The following PTPRR variants were observed in gnomAD, a reference collection of about 807,000 sequenced individuals.
The protein encoded by PTPRR is receptor-type tyrosine-protein phosphatase R.
PTPRR carries 38 observed loss-of-function variants against 77.2 expected under a neutral mutation model. The ratio of observed to expected loss-of-function variants is 0.49; its 90% CI spans 0.38 to 0.65. The LOEUF (loss-of-function observed/expected upper bound fraction) is 0.65, where lower values mean the gene tolerates loss of function less well. PTPRR is among the 30% of genes least tolerant of loss of function. The pLI is 0.00. For missense variants in PTPRR, 744 were observed against 799.2 expected (o/e 0.93, Z 0.83); for synonymous variants, 299 against 283.1 (o/e 1.06, Z -0.57).
intron 2 of PTPRR, among the ~76,000 whole-genome samples, chr12:70,886,596 G>T (rs1203111540): frequency 6.6e-6 from 1 of 152,078 alleles, no homozygotes; most frequent in Non-Finnish European, 1.5e-5. Context: ...TTTTGCATTT[G>T]CTATTGAAAG....
At chr12:70,673,512 ATAAG>A (rs755621009) in intron 10 of PTPRR, among the ~76,000 whole-genome samples, 15 of 152,226 alleles carry the variant, frequency 9.9e-5, no homozygotes, top group African/African-American at 2.7e-4. Context: ...ATTGCATGTA[ATAAG>A]TAAGTAATTT....
chr12:70,796,157 C>A (rs963158984), intron 2 of PTPRR, among the ~76,000 whole-genome samples: 1 of 151,994 alleles, frequency 6.6e-6, no homozygotes, highest in African/African-American at 2.4e-5. Flanking sequence ...CTCCTGACCT[C>A]AGGTGATCCA....
chr12:70,828,649 A>C (rs1316267514), intron 2 of PTPRR, among the ~76,000 whole-genome samples: 1 of 152,170 alleles, frequency 6.6e-6, no homozygotes, highest in African/African-American at 2.4e-5. Context: ...TATGCATATT[A>C]TATGCAGTGA....
At chr12:70,765,629 G>A (rs1890800352) in intron 2 of PTPRR, among the ~76,000 whole-genome samples, 1 of 152,174 alleles carries the variant, frequency 6.6e-6, no homozygotes, top group African/African-American at 2.4e-5. Context: ...AGACTTAAAT[G>A]TCCCTGTCTG....
intron 6 of PTPRR, among the ~76,000 whole-genome samples, chr12:70,725,882 A>C (rs1396922502): frequency 6.6e-6 from 1 of 152,172 alleles, no homozygotes; most frequent in African/African-American, 2.4e-5. Context: ...ATGAATGCAC[A>C]GCCCTGGTTG....
At chr12:70,892,459 G>T (rs1893354362) in intron 2 of PTPRR, among the ~76,000 whole-genome samples, 1 of 152,032 alleles carries the variant, frequency 6.6e-6, no homozygotes, top group African/African-American at 2.4e-5. Flanking sequence ...CATGCATTCT[G>T]CTATGAGCGG....
intron 2 of PTPRR, among the ~76,000 whole-genome samples, chr12:70,803,794 A>G (rs1332279598): frequency 6.6e-6 from 1 of 152,220 alleles, no homozygotes; most frequent in Non-Finnish European, 1.5e-5. Context: ...ATGAGGAAAC[A>G]GAATTGAAAA....
chr12:70,699,386 A>G (rs1888341571), intron 7 of PTPRR, among the ~76,000 whole-genome samples: 1 of 152,194 alleles, frequency 6.6e-6, no homozygotes, highest in Admixed American at 6.6e-5. Flanking sequence ...AAATTTGAGA[A>G]AAGCTGGACT....
At chr12:70,800,252 A>T (rs190382572) in intron 2 of PTPRR, among the ~76,000 whole-genome samples, 7 of 150,762 alleles carry the variant, frequency 4.6e-5, no homozygotes, top group Admixed American at 4.0e-4. Context: ...TGCATTTTAG[A>T]CATACTGTTC....
intron 2 of PTPRR, among the ~76,000 whole-genome samples, chr12:70,794,674 A>G (rs1891479971): frequency 1.3e-5 from 2 of 152,236 alleles, no homozygotes; most frequent in South Asian, 4.1e-4. Flanking sequence ...GGCCTCCGAC[A>G]GCTGATCAAT....
intron 2 of PTPRR, among the ~76,000 whole-genome samples, chr12:70,879,115 G>C (rs970188945): frequency 6.6e-6 from 1 of 152,094 alleles, no homozygotes; most frequent in Non-Finnish European, 1.5e-5. Context: ...GGTGTGGGGA[G>C]GGGGAAGGGA....
At chr12:70,703,036 CT>C (rs888610632) in intron 6 of PTPRR, among the ~76,000 whole-genome samples, 164 of 144,356 alleles carry the variant, frequency 1.1e-3, no homozygotes, top group Middle Eastern at 3.7e-3. Context: ...TCTTTCCTTC[CT>C]TTTTTTTTTT....
intron 2 of PTPRR, among the ~76,000 whole-genome samples, chr12:70,817,364 T>C (rs1046929769): frequency 1.3e-5 from 2 of 152,142 alleles, no homozygotes; most frequent in African/African-American, 2.4e-5. Flanking sequence ...TATTAAGTAA[T>C]AGTATTGTAT....
At chr12:70,868,057 C>A (rs1359390206) in intron 2 of PTPRR, among the ~76,000 whole-genome samples, 1 of 151,982 alleles carries the variant, frequency 6.6e-6, no homozygotes, top group Non-Finnish European at 1.5e-5. Flanking sequence ...TAAAGACTTA[C>A]ATGTTAGACC....
At chr12:70,895,306 T>C (rs1403161048) in intron 1 of PTPRR, among the ~76,000 whole-genome samples, 3 of 151,584 alleles carry the variant, frequency 2.0e-5, no homozygotes, top group Non-Finnish European at 3.0e-5. Flanking sequence ...TACACAAATA[T>C]CTTCAATCTT....
intron 2 of PTPRR, among the ~76,000 whole-genome samples, chr12:70,806,649 T>G (rs1034226388): frequency 3.3e-5 from 5 of 152,216 alleles, no homozygotes; most frequent in Non-Finnish European, 7.3e-5. Flanking sequence ...CATATCATAC[T>G]ACCATTTGCC....
intron 4 of PTPRR, among the ~76,000 whole-genome samples, chr12:70,759,699 A>AC (rs1267065831): frequency 2.7e-5 from 4 of 150,394 alleles, no homozygotes; most frequent in Non-Finnish European, 5.9e-5. Context: ...AAAAAAAAAA[A>AC]AAAAAAACAA....
chr12:70,892,591 A>G, intron 2 of PTPRR, 88 bp downstream of exon 2: 1 of 1,449,850 alleles, frequency 6.9e-7, no homozygotes, highest in East Asian at 2.3e-5. Context: ...ATTGATAACT[A>G]TTCACAATCA....
chr12:70,852,722 T>C (rs1284558732), intron 2 of PTPRR, among the ~76,000 whole-genome samples: 1 of 152,224 alleles, frequency 6.6e-6, no homozygotes, highest in East Asian at 1.9e-4. Context: ...ATCACCTTTG[T>C]AACAAACTAG....
Sources: allele counts gnomAD v4.1 joint callset (sites outside exome capture counted in the v4.1 genomes callset), GRCh38; gene constraint gnomAD v4.1.1; transcripts MANE v1.5; gene names NCBI Gene and HGNC (gene_info 2026-07-23, HGNC 2026-07-21).